ZNF804B: variants seen among roughly 807,000 people sequenced by gnomAD.
ZNF804B encodes zinc finger 804B.
In ZNF804B, 80 loss-of-function variants were observed where a neutral mutation model predicts 101.4. The ratio of observed to expected loss-of-function variants is 0.79; its 90% CI spans 0.66 to 0.95. ZNF804B has a LOEUF of 0.95. Ranked by LOEUF, ZNF804B falls within the 40% of genes least tolerant of loss-of-function variation. The pLI is 0.00. For missense variants in ZNF804B, 1,673 were observed against 1,561.9 expected, an observed-to-expected ratio of 1.07 and a Z score of -1.20; for synonymous variants, 622 against 558.8, an observed-to-expected ratio of 1.11 and a Z score of -1.59.
At chr7:89,205,084 CAGG>C (rs1440265573) in intron 1 of ZNF804B, among the ~76,000 whole-genome samples, 4 of 152,104 alleles carry the variant, frequency 2.6e-5, no homozygotes, top group African/African-American at 9.7e-5. Flanking sequence ...AGCGCATGTG[CAGG>C]AGAACTCCCA....
intron 1 of ZNF804B, among the ~76,000 whole-genome samples, chr7:89,077,284 G>A (rs1026048196): frequency 2.6e-5 from 4 of 152,076 alleles, no homozygotes; most frequent in Admixed American, 6.6e-5. Flanking sequence ...TTTGGCAGAA[G>A]GGTAATTCGT....
intron 1 of ZNF804B, among the ~76,000 whole-genome samples, chr7:89,060,196 C>A (rs368892835): frequency 1.3e-5 from 2 of 152,078 alleles, no homozygotes; most frequent in African/African-American, 4.8e-5. Context: ...TTGCATAAGT[C>A]AATTCTGCTA....
In ZNF804B at chr7:89,214,841, C is replaced by T. The variant is rs550369297; in HGVS notation, c.109-3314C>T. On this transcript the variant is annotated intron_variant, in intron 1 of 3. Transcript: ENST00000333190. ...TAAGAGATTCTTGAATATATGAATA[C>T]TTAATAAACAGTTGAATGAATGGAT... Among the ~76,000 whole-genome samples, 5 of 152,194 alleles carry T rather than the reference C, an allele frequency of 3.3e-5. No individual in the cohort carries two copies. The East Asian group carries it at 9.7e-4, about 29-fold the overall frequency.
chr7:88,812,952 A>G (rs2115738632), intron 1 of ZNF804B, among the ~76,000 whole-genome samples: 1 of 152,022 alleles, frequency 6.6e-6, no homozygotes, highest in African/African-American at 2.4e-5. Context: ...TATTTTGCAA[A>G]AAAAAAAAAG....
chr7:88,851,012 A>T (rs538188754), intron 1 of ZNF804B, among the ~76,000 whole-genome samples: 1 of 152,236 alleles, frequency 6.6e-6, no homozygotes, highest in South Asian at 2.1e-4. Context: ...TGAAAAATAC[A>T]CTGGTTGAGA....
chr7:89,043,046 G>T (rs1301324893), intron 1 of ZNF804B, among the ~76,000 whole-genome samples: 2 of 152,120 alleles, frequency 1.3e-5, no homozygotes, highest in Non-Finnish European at 2.9e-5. Context: ...GGCAGGAATT[G>T]TATGTGTAAA....
chr7:88,954,365 G>A (rs1242249199), intron 1 of ZNF804B, among the ~76,000 whole-genome samples: 1 of 151,428 alleles, frequency 6.6e-6, no homozygotes, highest in Non-Finnish European at 1.5e-5. Flanking sequence ...AATAATTGAG[G>A]GTAACCGAAA....
chr7:89,227,182 A>G (rs749370549), intron 2 of ZNF804B, among the ~76,000 whole-genome samples: 19 of 152,232 alleles, frequency 1.2e-4, no homozygotes, highest in Non-Finnish European at 2.5e-4. Flanking sequence ...GCTTCCTAAC[A>G]AAGGATACAT....
At chr7:89,325,759 A>G (rs2115978968) in intron 2 of ZNF804B, among the ~76,000 whole-genome samples, 1 of 152,068 alleles carries the variant, frequency 6.6e-6, no homozygotes, top group Non-Finnish European at 1.5e-5. Context: ...TAAGTATAAT[A>G]TGGGGTATTT....
chr7:89,306,908 T>C (rs1283680394), intron 2 of ZNF804B, among the ~76,000 whole-genome samples: 2 of 151,974 alleles, frequency 1.3e-5, no homozygotes, highest in Admixed American at 1.3e-4. Context: ...TAATGATAGG[T>C]GAGAGATGCA....
Position 88,780,731 on chromosome 7 carries a change from C to T in ZNF804B, c.108+20647C>T, listed in dbSNP as rs114754041. On this transcript the variant is annotated intron_variant, in intron 1 of 3. Coordinates refer to ENST00000333190, the MANE Select transcript of ZNF804B (RefSeq NM_181646.5). ...TGACAATTACAAAAAACTATAAAGACGCTTTCTGAGAACCCAAAGACATCA... is the reference window on the plus strand; with the variant it reads ...TGACAATTACAAAAAACTATAAAGATGCTTTCTGAGAACCCAAAGACATCA... 6.3e-3 allele frequency among the ~76,000 whole-genome samples: 965 copies of T among 152,150 alleles called. 11 individuals carry two copies. Among genetic ancestry groups the T allele is most frequent in the African/African-American group, 0.022 (924 of 41,518 alleles).
intron 2 of ZNF804B, among the ~76,000 whole-genome samples, chr7:89,261,425 T>A (rs1407313407): frequency 6.6e-6 from 1 of 152,088 alleles, no homozygotes; most frequent in Non-Finnish European, 1.5e-5. Context: ...TTGTCCAAAG[T>A]CTCCCCAAAT....
At chr7:89,240,708 GCT>G (rs1789355050) in intron 2 of ZNF804B, among the ~76,000 whole-genome samples, 1 of 150,940 alleles carries the variant, frequency 6.6e-6, no homozygotes, top group South Asian at 2.1e-4. Flanking sequence ...ATCTTCCTTG[GCT>G]CTCTACACTG....
At chr7:88,795,818 C>T (rs1017643598) in intron 1 of ZNF804B, 4 of 152,094 alleles carry the variant, frequency 2.6e-5, no homozygotes, top group African/African-American at 9.7e-5. Context: ...CGCCAAGTTT[C>T]TTAATACGGG....
chr7:89,210,805 T>C (rs113138211), intron 1 of ZNF804B, among the ~76,000 whole-genome samples: 2,033 of 152,302 alleles, frequency 0.013, 42 homozygotes, highest in African/African-American at 0.046. Flanking sequence ...GCAATGAACA[T>C]GGTATGCGTG....
chr7:89,260,264 A>C (rs890610177), intron 2 of ZNF804B, among the ~76,000 whole-genome samples: 6 of 152,182 alleles, frequency 3.9e-5, no homozygotes, highest in African/African-American at 1.4e-4. Flanking sequence ...CATTTACAGT[A>C]AACAGTAAAG....
Position 88,759,848 on chromosome 7 carries a change from C to T in ZNF804B, c.-129C>T. On this transcript the variant is annotated 5_prime_UTR_variant, in exon 1 of 4. Coordinates refer to ENST00000333190, the MANE Select transcript of ZNF804B (RefSeq NM_181646.5). ...GAGCAGGGACGCGCTGCCACCGCCT[C>T]CCCCTGCGTCCTGCTGGCCGCGTCT... is the stretch of plus-strand genomic sequence containing the variant. 1 of 710,740 alleles carries T rather than the reference C, an allele frequency of 1.4e-6. No homozygotes were observed. The highest frequency in any genetic ancestry group is 2.4e-6 in the Non-Finnish European group (1 of 408,956). The allele number at this position is 710,740 out of a possible 1,614,324, so 44.0% of individuals were successfully genotyped here. A position where few individuals can be genotyped will look rare whatever the true frequency, so the allele number is the denominator to read the frequency against.
chr7:89,164,659 G>A (rs376843097), intron 1 of ZNF804B, among the ~76,000 whole-genome samples: 31 of 152,136 alleles, frequency 2.0e-4, no homozygotes, highest in African/African-American at 6.7e-4. Flanking sequence ...GTTCCCATGT[G>A]TTTACTCAAT....
chr7:88,968,877 AT>A (rs1473476096), intron 1 of ZNF804B, among the ~76,000 whole-genome samples: 1 of 151,338 alleles, frequency 6.6e-6, no homozygotes, highest in African/African-American at 2.4e-5. Context: ...AATATATATA[AT>A]TTTTCTTGGA....
Sources: allele counts gnomAD v4.1 joint callset (sites outside exome capture counted in the v4.1 genomes callset), GRCh38; gene constraint gnomAD v4.1.1; transcripts MANE v1.5; gene names NCBI Gene and HGNC (gene_info 2026-07-23, HGNC 2026-07-21).